The following SV2B variants were observed in gnomAD, a reference collection of about 807,000 sequenced individuals.
SV2B encodes the protein solute carrier family 22 member B2.
In SV2B, 41 loss-of-function variants were observed where a neutral mutation model predicts 73.9. The ratio of observed to expected loss-of-function variants is 0.56; its 90% CI spans 0.43 to 0.72. SV2B has a LOEUF of 0.72. SV2B is among the 30% of genes least tolerant of loss of function. SV2B has a pLI of 0.00. For synonymous variants in SV2B, 314 were observed against 314.2 expected (o/e 1.00, Z 0.01); for missense variants, 764 against 857.8 (o/e 0.89, Z 1.37).
At chr15:91,182,439 G>A (rs1312194875) in intron 1 of SV2B, among the ~76,000 whole-genome samples, 2 of 152,206 alleles carry the variant, frequency 1.3e-5, no homozygotes, top group African/African-American at 4.8e-5. Context: ...AAATCTAGAT[G>A]TTCCTATTTT....
chr15:91,183,269 T>A (rs8026276), intron 1 of SV2B, among the ~76,000 whole-genome samples: 2,058 of 152,334 alleles, frequency 0.014, 54 homozygotes, highest in African/African-American at 0.046. Flanking sequence ...TCCACATAAA[T>A]GTGGGGAAAG....
In SV2B at chr15:91,289,433, G is replaced by T; in HGVS notation, c.1709-88G>T. On this transcript the variant is annotated intron_variant, in intron 11 of 12. Coordinates refer to ENST00000394232, the MANE Select transcript of SV2B (RefSeq NM_001323032.3). The surrounding 1 kb of genome is among the most constrained non-coding windows in gnomAD (Gnocchi z 4.9). Reference sequence around the variant, plus strand: ...CCTTGGCTTCAGGTGTACCAGTGAGGGTGGGAGATGGGGCAAGAACTGTGA... The same window carrying T: ...CCTTGGCTTCAGGTGTACCAGTGAGTGTGGGAGATGGGGCAAGAACTGTGA... 1 of 1,541,736 alleles carries T rather than the reference G, an allele frequency of 6.5e-7. No individual in the cohort carries two copies. The highest frequency in any genetic ancestry group is 9.0e-7 in the Non-Finnish European group (1 of 1,116,908).
At chr15:91,101,643 T>G (rs1203774820) in intron 1 of SV2B, among the ~76,000 whole-genome samples, 1 of 152,058 alleles carries the variant, frequency 6.6e-6, no homozygotes, top group Non-Finnish European at 1.5e-5. Flanking sequence ...AATGAAGCCC[T>G]CATGGATTAG....
intron 1 of SV2B, among the ~76,000 whole-genome samples, chr15:91,147,965 C>CCT (rs2043194835): frequency 2.5e-5 from 1 of 39,298 alleles, no homozygotes; most frequent in Non-Finnish European, 4.4e-5. Context: ...CCCCCCCCAA[C>CCT]TTTTTTTTTT....
chr15:91,142,438 C>T (rs1037801678), intron 1 of SV2B, among the ~76,000 whole-genome samples: 1 of 152,124 alleles, frequency 6.6e-6, no homozygotes, highest in African/African-American at 2.4e-5. Context: ...TCCCTCCAAG[C>T]CTAAATATTT....
Position 91,267,463 on chromosome 15 carries a change from CTTA to C in SV2B, c.1120-88_1120-86del. ...GTTCTCTCCATGGGTTCCTAGGCAA[CTTA>C]TTAGAATATCTGAGTAATGAGCTCT... On this transcript the variant is annotated intron_variant, in intron 7 of 12. Coordinates refer to ENST00000394232, the MANE Select transcript of SV2B (RefSeq NM_001323032.3). The surrounding 1 kb of genome is among the most constrained non-coding windows in gnomAD (Gnocchi z 4.3). The C allele has an allele frequency of 8.6e-7, 1 of 1,167,258 alleles. No homozygotes were observed. The highest frequency in any genetic ancestry group is 2.0e-5 in the Admixed American group (1 of 50,372). 72.3% of individuals were successfully genotyped at this position (1,167,258 alleles called of 1,614,324 possible).
At chr15:91,292,006 T>TA (rs1171289121) in intron 12 of SV2B, among the ~76,000 whole-genome samples, 2 of 152,260 alleles carry the variant, frequency 1.3e-5, no homozygotes, top group South Asian at 4.1e-4. Context: ...GGGGAACACT[T>TA]ACACTTTCTG....
chr15:91,213,346 AGAG>A (rs1416527625), intron 1 of SV2B, among the ~76,000 whole-genome samples: 2 of 152,144 alleles, frequency 1.3e-5, no homozygotes, highest in Admixed American at 6.5e-5. Context: ...AGGGTGTAGC[AGAG>A]GCAGTTTGGT....
chr15:91,150,594 T>C (rs2043285484), intron 1 of SV2B, among the ~76,000 whole-genome samples: 1 of 152,216 alleles, frequency 6.6e-6, no homozygotes, highest in Admixed American at 6.5e-5. Flanking sequence ...TTGCTCCTGA[T>C]CCCTAGCTCC....
Position 91,240,838 on chromosome 15 carries a change from C to T in SV2B, c.452-10981C>T, listed in dbSNP as rs2046981945. 6.6e-6 allele frequency among the ~76,000 whole-genome samples: 1 copy of T among 152,160 alleles called. No homozygotes were observed. Among genetic ancestry groups the T allele is most frequent in the South Asian group, 2.1e-4 (1 of 4,824 alleles). On this transcript the variant is annotated intron_variant, in intron 2 of 12. Coordinates refer to ENST00000394232, the MANE Select transcript of SV2B (RefSeq NM_001323032.3). The surrounding 1 kb of genome is among the most constrained non-coding windows in gnomAD (Gnocchi z 4.6). ...TTCTCCTCTGAGGATGTTAATTAGC[C>T]CTGCAGCCTCAGATGAGTGCTCTTG...
intron 1 of SV2B, among the ~76,000 whole-genome samples, chr15:91,210,939 G>C (rs558714434): frequency 6.6e-6 from 1 of 152,216 alleles, no homozygotes; most frequent in East Asian, 1.9e-4. Context: ...TGCTCCCAGC[G>C]CCTGGCATAG....
At chr15:91,202,463 T>A (rs191579268) in intron 1 of SV2B, among the ~76,000 whole-genome samples, 15 of 152,390 alleles carry the variant, frequency 9.8e-5, no homozygotes. Flanking sequence ...TCACAAGATC[T>A]CCTAAGACCA....
intron 2 of SV2B, among the ~76,000 whole-genome samples, chr15:91,238,240 A>T (rs2046867388): frequency 6.6e-6 from 1 of 152,230 alleles, no homozygotes; most frequent in Non-Finnish European, 1.5e-5. Context: ...ACCAAGAGTT[A>T]TAATCTGATA....
intron 1 of SV2B, among the ~76,000 whole-genome samples, chr15:91,131,956 C>G (rs1356612130): frequency 6.6e-6 from 1 of 152,158 alleles, no homozygotes; most frequent in Non-Finnish European, 1.5e-5. Context: ...GAGTGAGACT[C>G]TGTCTCAAAA....
At chr15:91,108,396 A>G (rs2151723458) in intron 1 of SV2B, among the ~76,000 whole-genome samples, 1 of 152,330 alleles carries the variant, frequency 6.6e-6, no homozygotes, top group Admixed American at 6.5e-5. Context: ...AGTCATGTGT[A>G]GTATATAGAT....
At chr15:91,205,791 A>G (rs1444545411) in intron 1 of SV2B, among the ~76,000 whole-genome samples, 1 of 152,214 alleles carries the variant, frequency 6.6e-6, no homozygotes, top group Non-Finnish European at 1.5e-5. Flanking sequence ...AAGGGTGTCT[A>G]TCTCCAATAT....
At chr15:91,244,663 G>A (rs1200163672) in intron 2 of SV2B, among the ~76,000 whole-genome samples, 1 of 152,108 alleles carries the variant, frequency 6.6e-6, no homozygotes, top group East Asian at 1.9e-4. Flanking sequence ...GTTCTTTGTG[G>A]GATTCCCATA....
intron 1 of SV2B, among the ~76,000 whole-genome samples, chr15:91,166,182 T>C (rs915301526): frequency 6.6e-6 from 1 of 152,202 alleles, no homozygotes; most frequent in African/African-American, 2.4e-5. Context: ...GTAGGATGTA[T>C]AGTAGTATCC....
chr15:91,168,300 A>ATGAGAGAGAG (rs1567308687), intron 1 of SV2B, among the ~76,000 whole-genome samples: 1 of 64,598 alleles, frequency 1.5e-5, no homozygotes, highest in Admixed American at 1.5e-4. Context: ...ATGGTGAGAT[A>ATGAGAGAGAG]CGAGAGAGAG....
Sources: allele counts gnomAD v4.1 joint callset (sites outside exome capture counted in the v4.1 genomes callset), GRCh38; gene constraint gnomAD v4.1.1; non-coding constraint Gnocchi (gnomAD v3.1); transcripts MANE v1.5; gene names NCBI Gene and HGNC (gene_info 2026-07-23, HGNC 2026-07-21).